The following PCDHA8 variants were observed in gnomAD, a reference collection of about 807,000 sequenced individuals.
The protein encoded by PCDHA8 is protocadherin alpha 8.
PCDHA8 carries 53 observed loss-of-function variants against 61.8 expected under a neutral mutation model. That is an observed-to-expected ratio of 0.86 (90% CI 0.69 to 1.08). The LOEUF is 1.08. Ranked by LOEUF, PCDHA8 falls within the 50% of genes least tolerant of loss-of-function variation. The pLI is 0.00. For synonymous variants in PCDHA8, 618 were observed against 556.6 expected, an observed-to-expected ratio of 1.11 and a Z score of -1.55; for missense variants, 1,293 against 1,245.0, an observed-to-expected ratio of 1.04 and a Z score of -0.58.
chr5:141,002,975 A>G (rs188944079), intron 3 of PCDHA8, among the ~76,000 whole-genome samples: 1 of 152,338 alleles, frequency 6.6e-6, no homozygotes, highest in Admixed American at 6.5e-5. Context: ...TGAAAATAGT[A>G]TCCTTGGTCA....
chr5:140,882,462 G>C (rs1487611246), intron 1 of PCDHA8: 1 of 1,613,916 alleles, frequency 6.2e-7, no homozygotes, highest in Non-Finnish European at 8.5e-7. Context: ...CGCCTGTTCC[G>C]GGTGGCGTCC....
chr5:140,883,606 C>T (rs782093980), intron 1 of PCDHA8: 1 of 1,613,942 alleles, frequency 6.2e-7, no homozygotes, highest in South Asian at 1.1e-5. Flanking sequence ...TGGGGGTGGC[C>T]GACGTGAACG....
chr5:140,884,488 G>T, intron 1 of PCDHA8: 1 of 1,614,046 alleles, frequency 6.2e-7, no homozygotes, highest in East Asian at 2.2e-5. Context: ...CCACTCTAGT[G>T]TGCTCCAGCG....
At chr5:140,911,560 A>T (rs1554194794) in intron 1 of PCDHA8, among the ~76,000 whole-genome samples, 2 of 152,170 alleles carry the variant, frequency 1.3e-5, no homozygotes, top group Non-Finnish European at 2.9e-5. Flanking sequence ...ATTTTCTTTC[A>T]TCACTTTGTC....
chr5:140,858,417 G>A, intron 1 of PCDHA8: 1 of 1,560,448 alleles, frequency 6.4e-7, no homozygotes, highest in Non-Finnish European at 8.7e-7. Context: ...CAGTCTATTG[G>A]AGGGGACCAC....
chr5:140,876,992 A>T (rs1222630901), intron 1 of PCDHA8: 1 of 1,612,438 alleles, frequency 6.2e-7, no homozygotes, highest in Non-Finnish European at 8.5e-7. Flanking sequence ...CTGTCGAGCT[A>T]CGTGTCGGTG....
At chr5:140,980,448 G>A (rs1333028932) in intron 2 of PCDHA8, among the ~76,000 whole-genome samples, 7 of 152,122 alleles carry the variant, frequency 4.6e-5, no homozygotes, top group African/African-American at 9.7e-5. Flanking sequence ...TGGACAACAC[G>A]GTGAAACCCT....
chr5:140,895,841 C>T (rs1389575745), intron 1 of PCDHA8, among the ~76,000 whole-genome samples: 1 of 152,092 alleles, frequency 6.6e-6, no homozygotes, highest in Admixed American at 6.6e-5. Flanking sequence ...GACAAAGTCT[C>T]ACTCTTGTAC....
At chr5:140,875,373 A>G in intron 1 of PCDHA8, 7 of 1,454,810 alleles carry the variant, frequency 4.8e-6, no homozygotes, top group Non-Finnish European at 6.3e-6. Flanking sequence ...AAAATTTACT[A>G]AATATGTACT....
chr5:140,875,054 C>A (rs2055251816), intron 1 of PCDHA8, among the ~76,000 whole-genome samples: 1 of 152,146 alleles, frequency 6.6e-6, no homozygotes, highest in Non-Finnish European at 1.5e-5. Flanking sequence ...TACTTTGAAG[C>A]AGAAAACATT....
chr5:140,856,403 G>C, intron 1 of PCDHA8: 1 of 1,598,562 alleles, frequency 6.3e-7, no homozygotes, highest in South Asian at 1.1e-5. Flanking sequence ...TTTCCATGTG[G>C]ACGTGGAAGT....
At chr5:140,963,594 C>G (rs549697848) in intron 1 of PCDHA8, among the ~76,000 whole-genome samples, 1 of 152,258 alleles carries the variant, frequency 6.6e-6, no homozygotes, top group South Asian at 2.1e-4. Flanking sequence ...GGATATAGTT[C>G]TAGACGTAAT....
At chr5:140,870,543 CGCGGACGCGCAG>C in intron 1 of PCDHA8, 1 of 1,614,114 alleles carries the variant, frequency 6.2e-7, no homozygotes, top group Non-Finnish European at 8.5e-7. Context: ...CGGCGCGGGA[CGCGGACGCGCAG>C]GAGAACGCGC....
intron 1 of PCDHA8, among the ~76,000 whole-genome samples, chr5:140,960,397 G>C (rs1322659184): frequency 6.6e-6 from 1 of 152,102 alleles, no homozygotes; most frequent in African/African-American, 2.4e-5. Flanking sequence ...AGGATGCAAG[G>C]GGGGGTGCCC....
chr5:141,000,163 A>G (rs2097894710), intron 3 of PCDHA8, among the ~76,000 whole-genome samples: 1 of 152,054 alleles, frequency 6.6e-6, no homozygotes, highest in African/African-American at 2.4e-5. Context: ...AAACTATTTG[A>G]TTATTGAGCC....
chr5:140,881,445 A>C, intron 1 of PCDHA8: 1 of 783,070 alleles, frequency 1.3e-6, no homozygotes, highest in Non-Finnish European at 1.6e-6. Flanking sequence ...TAAAAACAGA[A>C]TCCAAAACCT....
At position 140,926,851 on chromosome 5, in the gene PCDHA8, T is replaced by G. The variant is rs201136210; in HGVS notation, c.2395-52098T>G. On this transcript the variant is annotated intron_variant, in intron 1 of 3. Transcript: ENST00000531613. The stretch of plus-strand genomic sequence containing the variant: ...TCCGGAGCATGGTCCTGGGTCACCG[T>G]TGGTGTAGCGTGTTGGTGGAACGTG... 3 of 1,517,102 alleles carry G rather than the reference T, an allele frequency of 2.0e-6. No homozygotes were observed. In the African/African-American group the frequency reaches 4.2e-5, roughly 21 times the overall value. The allele number at this position is 1,517,102 out of a possible 1,614,324, so 94.0% of individuals were successfully genotyped here.
At chr5:141,001,794 T>C (rs2098037139) in intron 3 of PCDHA8, among the ~76,000 whole-genome samples, 1 of 152,184 alleles carries the variant, frequency 6.6e-6, no homozygotes, top group Non-Finnish European at 1.5e-5. Flanking sequence ...CCTGAGTATA[T>C]ACTATCATTC....
chr5:140,890,350 T>C (rs1199144948), intron 1 of PCDHA8, among the ~76,000 whole-genome samples: 1 of 152,186 alleles, frequency 6.6e-6, no homozygotes, highest in Non-Finnish European at 1.5e-5. Flanking sequence ...GTTTACTATA[T>C]AGCAATGGAT....
Sources: gnomAD v4.1 joint callset for allele counts (sites outside exome capture counted in the v4.1 genomes callset) on GRCh38, gnomAD v4.1.1 for gene constraint, MANE v1.5 for transcripts, NCBI Gene and HGNC (gene_info 2026-07-23, HGNC 2026-07-21) for gene names.